PPP1R1C: variants seen among roughly 807,000 people sequenced by gnomAD.
PPP1R1C encodes protein phosphatase 1 regulatory subunit 1C.
Under a neutral mutation model 17.4 loss-of-function variants are expected in PPP1R1C, and 15 were observed. That is an observed-to-expected ratio of 0.86 (90% CI 0.58 to 1.33). PPP1R1C has a LOEUF of 1.33. Among genes scored for constraint, PPP1R1C ranks in the 40% most tolerant of loss-of-function variants. The probability of loss-of-function intolerance (pLI) is 0.00; values close to 1 mark genes in which losing one functional copy is unlikely to be tolerated. For missense variants in PPP1R1C, 143 were observed against 130.0 expected, an observed-to-expected ratio of 1.10 and a Z score of -0.48; for synonymous variants, 35 against 43.1, an observed-to-expected ratio of 0.81 and a Z score of 0.73.
chr2:181,979,627 C>T (rs571809244), intron 2 of PPP1R1C, among the ~76,000 whole-genome samples: 15 of 152,116 alleles, frequency 9.9e-5, no homozygotes, highest in Non-Finnish European at 1.6e-4. Flanking sequence ...TTGGGGGTAT[C>T]GGGGTATCTA....
intron 2 of PPP1R1C, among the ~76,000 whole-genome samples, chr2:182,046,516 A>G (rs1020323971): frequency 7.2e-5 from 11 of 151,810 alleles, no homozygotes; most frequent in Non-Finnish European, 1.5e-4. Flanking sequence ...TCACAAGGTC[A>G]AGAGATCGAG....
At chr2:182,126,572 G>C (rs545075312) in intron 5 of PPP1R1C, among the ~76,000 whole-genome samples, 1 of 151,948 alleles carries the variant, frequency 6.6e-6, no homozygotes. Flanking sequence ...AACATCTCAC[G>C]TAATATGTGA....
chr2:182,051,704 G>A (rs1223096802), intron 2 of PPP1R1C, among the ~76,000 whole-genome samples: 1 of 152,172 alleles, frequency 6.6e-6, no homozygotes, highest in African/African-American at 2.4e-5. Context: ...ACATTAGAGT[G>A]AACTTGATAT....
At chr2:182,071,461 A>G (rs1318360161) in intron 4 of PPP1R1C, among the ~76,000 whole-genome samples, 1 of 152,226 alleles carries the variant, frequency 6.6e-6, no homozygotes, top group Non-Finnish European at 1.5e-5. Flanking sequence ...AATATGGTTT[A>G]TCGCTGTTAA....
intron 2 of PPP1R1C, among the ~76,000 whole-genome samples, chr2:182,041,251 T>A (rs548394334): frequency 6.6e-6 from 1 of 152,302 alleles, no homozygotes; most frequent in South Asian, 2.1e-4. Context: ...TCTTCACAAT[T>A]TTAAAAAATG....
At chr2:182,063,237 A>G (rs1042965387) in intron 3 of PPP1R1C, among the ~76,000 whole-genome samples, 30 of 151,974 alleles carry the variant, frequency 2.0e-4, no homozygotes, top group Non-Finnish European at 1.2e-4. Context: ...TTCCAAGTAA[A>G]TGGAGGTAAT....
At chr2:182,070,204 A>T (rs1190317447) in intron 4 of PPP1R1C, among the ~76,000 whole-genome samples, 2 of 152,244 alleles carry the variant, frequency 1.3e-5, no homozygotes, top group Non-Finnish European at 2.9e-5. Context: ...TGGAGAGTAA[A>T]ATGGACTAGG....
At chr2:182,043,562 T>A (rs185017568) in intron 2 of PPP1R1C, among the ~76,000 whole-genome samples, 42 of 151,008 alleles carry the variant, frequency 2.8e-4, no homozygotes, top group South Asian at 1.0e-3. Flanking sequence ...CAGCACGCCA[T>A]GTGTAAGCAG....
intron 2 of PPP1R1C, among the ~76,000 whole-genome samples, chr2:181,994,961 G>A (rs1288740027): frequency 6.6e-6 from 1 of 152,192 alleles, no homozygotes; most frequent in Non-Finnish European, 1.5e-5. Context: ...CTTACTAGTA[G>A]AGTAGATGTT....
chr2:181,972,629 G>A (rs923976662), intron 1 of PPP1R1C, among the ~76,000 whole-genome samples: 5 of 152,168 alleles, frequency 3.3e-5, no homozygotes, highest in Admixed American at 3.3e-4. Context: ...ACATAGGGTG[G>A]AAGGGTGCTC....
chr2:182,060,106 C>T (rs1216044656), intron 2 of PPP1R1C, among the ~76,000 whole-genome samples: 1 of 152,100 alleles, frequency 6.6e-6, no homozygotes, highest in Non-Finnish European at 1.5e-5. Flanking sequence ...CACATACTTA[C>T]AGTCATTGCA....
At chr2:182,059,992 T>A (rs768876246) in intron 2 of PPP1R1C, among the ~76,000 whole-genome samples, 1 of 152,112 alleles carries the variant, frequency 6.6e-6, no homozygotes, top group Admixed American at 6.6e-5. Flanking sequence ...ATTGTTACAG[T>A]GGATCATATT....
intron 5 of PPP1R1C, among the ~76,000 whole-genome samples, chr2:182,127,458 G>C (rs1407457142): frequency 6.6e-6 from 1 of 152,042 alleles, no homozygotes; most frequent in Non-Finnish European, 1.5e-5. Context: ...GTAATAAAAT[G>C]TCTAGGACTG....
downstream of PPP1R1C, among the ~76,000 whole-genome samples, chr2:182,119,928 G>A (rs1336343116): frequency 3.3e-5 from 5 of 152,122 alleles, no homozygotes; most frequent in African/African-American, 9.7e-5. Flanking sequence ...CCATTTGTCA[G>A]TTTTGGCTTT....
At chr2:181,958,020 A>T (rs1297132818) in intron 1 of PPP1R1C, among the ~76,000 whole-genome samples, 1 of 152,204 alleles carries the variant, frequency 6.6e-6, no homozygotes, top group Non-Finnish European at 1.5e-5. Flanking sequence ...AGGGAAAGAA[A>T]GCTACACCCG....
At chr2:182,025,069 A>G (rs1265452852) in intron 2 of PPP1R1C, among the ~76,000 whole-genome samples, 1 of 150,966 alleles carries the variant, frequency 6.6e-6, no homozygotes, top group African/African-American at 2.4e-5. Flanking sequence ...TGTACTGCAT[A>G]AATTTGTGCA....
At chr2:181,955,318 T>C (rs939892094) in intron 1 of PPP1R1C, among the ~76,000 whole-genome samples, 3 of 152,212 alleles carry the variant, frequency 2.0e-5, no homozygotes, top group East Asian at 3.8e-4. Context: ...TGCTTTCAAA[T>C]TGGTTGACAT....
intron 2 of PPP1R1C, among the ~76,000 whole-genome samples, chr2:181,979,034 A>G (rs1685147707): frequency 6.6e-6 from 1 of 152,118 alleles, no homozygotes; most frequent in Non-Finnish European, 1.5e-5. Context: ...TTCATGAATT[A>G]CCTCTTGGAA....
At chr2:182,007,704 G>A (rs1007194070) in intron 2 of PPP1R1C, among the ~76,000 whole-genome samples, 1 of 152,096 alleles carries the variant, frequency 6.6e-6, no homozygotes, top group Non-Finnish European at 1.5e-5. Context: ...GTTTTATCTG[G>A]ACCTATCAAA....
Sources: gnomAD v4.1 joint callset for allele counts (sites outside exome capture counted in the v4.1 genomes callset) on GRCh38, gnomAD v4.1.1 for gene constraint, MANE v1.5 for transcripts, NCBI Gene and HGNC (gene_info 2026-07-23, HGNC 2026-07-21) for gene names.